Variants in LOC112694756 observed in about 807,000 individuals in gnomAD.
chr16:30,067,303 T>C, the LOC112694756 span: 6 of 1,612,988 alleles, frequency 3.7e-6, no homozygotes, highest in Non-Finnish European at 5.1e-6. Flanking sequence ...GAAGGAGCTG[T>C]CTGACATCGC....
At chr16:30,066,674 C>A in the LOC112694756 span, among the ~76,000 whole-genome samples, 2 of 152,200 alleles carry the variant, frequency 1.3e-5, no homozygotes, top group Non-Finnish European at 2.9e-5. Context: ...GGAGCCCGGG[C>A]CAGCCCTGGG....
the LOC112694756 span, chr16:30,066,820 T>G: frequency 1.3e-6 from 2 of 1,493,380 alleles, no homozygotes; most frequent in Non-Finnish European, 1.8e-6. Context: ...CACGAGGGTG[T>G]TGGGCCCTCT....
At chr16:30,069,574 G>A in the LOC112694756 span, 2 of 1,614,096 alleles carry the variant, frequency 1.2e-6, no homozygotes, top group East Asian at 2.2e-5. Context: ...GCCCAACATG[G>A]TCACCCCAGG....
the LOC112694756 span, among the ~76,000 whole-genome samples, chr16:30,062,046 T>G: frequency 6.7e-6 from 1 of 148,594 alleles, no homozygotes; most frequent in African/African-American, 2.5e-5. Flanking sequence ...CTACTAAAAA[T>G]ACAAAAATTA....
the LOC112694756 span, chr16:30,055,406 C>T: frequency 2.5e-6 from 1 of 398,016 alleles, no homozygotes; most frequent in East Asian, 3.6e-5. Flanking sequence ...TGCTCAACAA[C>T]ATTTATTACT....
At chr16:30,066,923 C>G in the LOC112694756 span, 1 of 1,550,662 alleles carries the variant, frequency 6.4e-7, no homozygotes, top group African/African-American at 1.4e-5. Flanking sequence ...CCAGAAGGGT[C>G]CAGCTTCAAC....
the LOC112694756 span, chr16:30,069,136 G>C: frequency 2.2e-6 from 3 of 1,362,458 alleles, no homozygotes; most frequent in Non-Finnish European, 3.1e-6. Flanking sequence ...GAGGGGCCAA[G>C]GAGGGATGGT....
At chr16:30,064,628 C>A in the LOC112694756 span, 2 of 396,112 alleles carry the variant, frequency 5.0e-6, no homozygotes, top group East Asian at 7.2e-5. Context: ...AAATATAGGT[C>A]CCTGCCAGAG....
At chr16:30,069,468 C>T in the LOC112694756 span, 2 of 1,614,096 alleles carry the variant, frequency 1.2e-6, no homozygotes, top group Non-Finnish European at 1.7e-6. Context: ...TCCTCCACCC[C>T]ACTACCCACC....
the LOC112694756 span, chr16:30,070,043 G>T: frequency 3.1e-6 from 5 of 1,613,722 alleles, no homozygotes; most frequent in South Asian, 1.1e-5. Flanking sequence ...AGGATAGGCA[G>T]GAGGTGGGCA....
At chr16:30,069,159 G>T in the LOC112694756 span, 1 of 1,322,002 alleles carries the variant, frequency 7.6e-7, no homozygotes. Context: ...GTGGATCTGA[G>T]GCGGCTCTTG....
chr16:30,068,763 A>G, the LOC112694756 span: 3 of 1,614,116 alleles, frequency 1.9e-6, no homozygotes, highest in Non-Finnish European at 2.5e-6. Context: ...TGCTGGGAGG[A>G]GTGGAAACCA....
the LOC112694756 span, chr16:30,067,752 T>C: frequency 6.7e-7 from 1 of 1,485,222 alleles, no homozygotes; most frequent in Non-Finnish European, 9.4e-7. Flanking sequence ...GCTGGATTGG[T>C]GGCCTAGAGA....
At chr16:30,058,761 C>T in the LOC112694756 span, among the ~76,000 whole-genome samples, 4 of 151,610 alleles carry the variant, frequency 2.6e-5, no homozygotes, top group South Asian at 2.1e-4. Flanking sequence ...GGATTACAGG[C>T]GTGAGCCACC....
the LOC112694756 span, chr16:30,067,420 G>T: frequency 6.2e-7 from 1 of 1,613,674 alleles, no homozygotes; most frequent in Non-Finnish European, 8.5e-7. Context: ...GTGGCAGGCT[G>T]ATCCCCTAAT....
At chr16:30,070,368 A>G in the LOC112694756 span, 5 of 696,338 alleles carry the variant, frequency 7.2e-6, no homozygotes, top group Non-Finnish European at 1.3e-5. Flanking sequence ...TGCTAAGTCC[A>G]TCACCCTTTC....
At chr16:30,062,296 G>T in the LOC112694756 span, among the ~76,000 whole-genome samples, 2 of 152,216 alleles carry the variant, frequency 1.3e-5, no homozygotes, top group African/African-American at 4.8e-5. Context: ...CACTTTGGGA[G>T]ACCAAGGTGG....
the LOC112694756 span, among the ~76,000 whole-genome samples, chr16:30,063,314 G>A: frequency 5.9e-5 from 9 of 152,092 alleles, no homozygotes; most frequent in African/African-American, 2.2e-4. Context: ...AAGCCCACAA[G>A]TCATTTTCAT....
chr16:30,053,170 C>G, the LOC112694756 span: 50 of 152,528 alleles, frequency 3.3e-4, no homozygotes, highest in African/African-American at 1.2e-3. Flanking sequence ...GACGATTGGA[C>G]CTAGCTTGGC....
Sources: gnomAD v4.1 joint callset for allele counts (sites outside exome capture counted in the v4.1 genomes callset) on GRCh38, gnomAD v4.1.1 for gene constraint, MANE v1.5 for transcripts.